The following GLIS3 variants were observed in gnomAD, a reference collection of about 807,000 sequenced individuals.
The protein encoded by GLIS3 is zinc finger protein GLIS3.
A neutral mutation model predicts 78.6 loss-of-function variants in GLIS3; 53 were observed. That is an observed-to-expected ratio of 0.67 (90% CI 0.54 to 0.85). The LOEUF (loss-of-function observed/expected upper bound fraction) is 0.85, where lower values mean the gene tolerates loss of function less well. GLIS3 is among the 40% of genes least tolerant of loss of function. The pLI is 0.00. For missense variants in GLIS3, 1,703 were observed against 1,231.1 expected (o/e 1.38, Z -5.74); for synonymous variants, 684 against 509.9 (o/e 1.34, Z -4.60).
chr9:4,193,400 C>T (rs1818506967), intron 2 of GLIS3, among the ~76,000 whole-genome samples: 1 of 152,158 alleles, frequency 6.6e-6, no homozygotes, highest in Non-Finnish European at 1.5e-5. Flanking sequence ...CAACAGAAAC[C>T]ATATGGCCTA....
At chr9:4,459,611 A>T in the GLIS3 span, among the ~76,000 whole-genome samples, 2 of 152,184 alleles carry the variant, frequency 1.3e-5, no homozygotes, top group Admixed American at 6.5e-5. Context: ...AAAAAATTTT[A>T]AAAATTAGCT....
chr9:4,002,598 A>G (rs546004916), intron 4 of GLIS3, among the ~76,000 whole-genome samples: 7 of 152,210 alleles, frequency 4.6e-5, no homozygotes, highest in Admixed American at 2.6e-4. Context: ...TTCACCTGTG[A>G]CAGAGGCTAT....
At chr9:4,175,319 G>C (rs1388141304) in intron 2 of GLIS3, among the ~76,000 whole-genome samples, 5 of 152,200 alleles carry the variant, frequency 3.3e-5, no homozygotes, top group Non-Finnish European at 7.3e-5. Flanking sequence ...ACAAAGAAGG[G>C]AGACTGAGAG....
chr9:4,029,913 A>G (rs1823683135), intron 4 of GLIS3, among the ~76,000 whole-genome samples: 1 of 152,214 alleles, frequency 6.6e-6, no homozygotes, highest in African/African-American at 2.4e-5. Flanking sequence ...ATAGGAGTGC[A>G]GATATCTCTT....
intron 2 of GLIS3, among the ~76,000 whole-genome samples, chr9:4,226,787 G>C (rs562178707): frequency 6.6e-6 from 1 of 152,278 alleles, no homozygotes; most frequent in African/African-American, 2.4e-5. Context: ...TCACATAAGA[G>C]CTGTTGGTGA....
intron 7 of GLIS3, among the ~76,000 whole-genome samples, chr9:3,884,878 C>T (rs528202503): frequency 3.3e-5 from 5 of 152,214 alleles, no homozygotes; most frequent in Admixed American, 6.5e-5. Context: ...TTCAAGAAAA[C>T]ACATAAAAGT....
intron 2 of GLIS3, among the ~76,000 whole-genome samples, chr9:4,324,889 C>A (rs887334353): frequency 2.0e-5 from 3 of 152,298 alleles, no homozygotes; most frequent in African/African-American, 4.8e-5. Context: ...AAAAGTTATA[C>A]CCCTACAACC....
At chr9:3,937,253 G>T in intron 4 of GLIS3, 64 bp from the exon 5 acceptor site, 1 of 1,533,488 alleles carries the variant, frequency 6.5e-7, no homozygotes, top group Non-Finnish European at 8.9e-7. Context: ...CTGGGGGACA[G>T]CTAAAAAAAA....
chr9:4,099,457 GCA>G (rs1248573169), intron 4 of GLIS3, among the ~76,000 whole-genome samples: 2 of 126,982 alleles, frequency 1.6e-5, no homozygotes. Context: ...TTCCCCCAAT[GCA>G]CACATGTCTT....
chr9:4,162,895 G>C (rs868818516), intron 2 of GLIS3, among the ~76,000 whole-genome samples: 9 of 141,328 alleles, frequency 6.4e-5, no homozygotes, highest in African/African-American at 2.3e-4. Flanking sequence ...ATCGCCAACA[G>C]ATCCATCCAT....
the GLIS3 span, among the ~76,000 whole-genome samples, chr9:4,421,179 T>C: frequency 1.3e-5 from 2 of 152,192 alleles, no homozygotes; most frequent in African/African-American, 4.8e-5. Context: ...CCAGTTGATA[T>C]TCATGAAAGG....
At chr9:4,281,812 T>C (rs113904143) in intron 2 of GLIS3, among the ~76,000 whole-genome samples, 121 of 152,326 alleles carry the variant, frequency 7.9e-4, no homozygotes, top group African/African-American at 2.8e-3. Context: ...AACTTACTGT[T>C]AAAACTGTCA....
At chr9:4,438,942 T>C in the GLIS3 span, among the ~76,000 whole-genome samples, 1 of 152,234 alleles carries the variant, frequency 6.6e-6, no homozygotes, top group African/African-American at 2.4e-5. Context: ...ATGTTTTGTA[T>C]AATCCTACTC....
intron 7 of GLIS3, among the ~76,000 whole-genome samples, chr9:3,887,350 G>C (rs1822148440): frequency 6.6e-6 from 1 of 152,188 alleles, no homozygotes; most frequent in African/African-American, 2.4e-5. Context: ...TGATGGGAGA[G>C]CTACCTGGCA....
At chr9:4,437,288 A>G in the GLIS3 span, among the ~76,000 whole-genome samples, 11 of 152,182 alleles carry the variant, frequency 7.2e-5, no homozygotes, top group Admixed American at 2.6e-4. Flanking sequence ...TATATGCAAA[A>G]CCACAAGGAA....
Position 3,856,110 on chromosome 9 carries a change from C to G in GLIS3, c.2372G>C (p.Arg791Thr). The change falls in exon 9 of 11, where the codon AGA becomes ACA. Residue 791 changes from arginine (R) to threonine (T), a missense_variant. By Grantham distance (71) the Arg-to-Thr change is moderately conservative (BLOSUM62 -1). Transcript: ENST00000381971. ...CTGCTGGGTATAGGGAGGCTGTGTT[C>G]TTTGCAGTATTGAAGAAGGAGCTGG... ...RVPAPSSILQ[R>T]TQPPYTQQPS... The G allele has an allele frequency of 6.2e-7, 1 of 1,614,136 alleles. No homozygotes were observed. The highest frequency in any genetic ancestry group is 1.1e-5 in the South Asian group (1 of 91,080).
rs1491029640 is a variant in GLIS3, at chr9:3,827,139, A to AG, written c.*1132dup. ...GGGGATATATGAACCACAGTCAGGA[A>AG]GAGGGTAAGAGGGATGCAAAAAGAG... On this transcript the variant is annotated 3_prime_UTR_variant, in exon 11 of 11. Transcript: ENST00000381971. 1 of 152,228 alleles carries AG rather than the reference A, an allele frequency of 6.6e-6. No individual in the cohort carries two copies. The highest frequency in any genetic ancestry group is 6.5e-5 in the Admixed American group (1 of 15,280). 9.4% of individuals were successfully genotyped at this position (152,228 alleles called of 1,614,324 possible). A position where few individuals can be genotyped will look rare whatever the true frequency, so the allele number is the denominator to read the frequency against.
the GLIS3 span, among the ~76,000 whole-genome samples, chr9:4,355,176 T>C: frequency 5.3e-5 from 8 of 151,602 alleles, no homozygotes; most frequent in African/African-American, 1.7e-4. Context: ...GAGAGTTCCC[T>C]GAGTCAAAGT....
At chr9:4,093,825 G>A (rs1384032616) in intron 4 of GLIS3, among the ~76,000 whole-genome samples, 1 of 152,144 alleles carries the variant, frequency 6.6e-6, no homozygotes, top group Non-Finnish European at 1.5e-5. Flanking sequence ...GGCCAAACAT[G>A]TATTCTTTGG....
Sources: gnomAD v4.1 joint callset for allele counts (sites outside exome capture counted in the v4.1 genomes callset) on GRCh38, gnomAD v4.1.1 for gene constraint, MANE v1.5 for transcripts, NCBI Gene and HGNC (gene_info 2026-07-23, HGNC 2026-07-21) for gene names.